Variants in PIP5K1C observed in about 807,000 individuals in gnomAD.
PIP5K1C encodes phosphatidylinositol 4-phosphate 5-kinase type-1 gamma.
Under a neutral mutation model 80.1 loss-of-function variants are expected in PIP5K1C, and 45 were observed. That is an observed-to-expected ratio of 0.56 (90% CI 0.44 to 0.72). The LOEUF is 0.72. Ranked by LOEUF, PIP5K1C falls within the 30% of genes least tolerant of loss-of-function variation. PIP5K1C has a pLI of 0.00. For synonymous variants in PIP5K1C, 498 were observed against 420.1 expected, an observed-to-expected ratio of 1.19 and a Z score of -2.27; for missense variants, 753 against 954.6, an observed-to-expected ratio of 0.79 and a Z score of 2.78.
At chr19:3,634,227 T>C (rs2033580260) in intron 16 of PIP5K1C, among the ~76,000 whole-genome samples, 1 of 148,014 alleles carries the variant, frequency 6.8e-6, no homozygotes, top group East Asian at 2.1e-4. Context: ...CAGGTCTGGG[T>C]GGGATCTGGG....
At chr19:3,643,147 A>C (rs896351050) in intron 13 of PIP5K1C, 96 bp downstream of exon 13, 92 of 1,577,410 alleles carry the variant, frequency 5.8e-5, no homozygotes, top group Non-Finnish European at 7.9e-5. Context: ...TGCTCCACCC[A>C]CATGCACAGC....
chr19:3,652,732 G>C (rs866589963), intron 7 of PIP5K1C, among the ~76,000 whole-genome samples: 58 of 152,138 alleles, frequency 3.8e-4, no homozygotes, highest in Non-Finnish European at 6.2e-4. Flanking sequence ...ACGCACATGG[G>C]CCCTCACTGT....
At chr19:3,661,782 C>T in intron 4 of PIP5K1C, 89 bp downstream of exon 4, 2 of 1,522,026 alleles carry the variant, frequency 1.3e-6, no homozygotes, top group South Asian at 2.2e-5. Flanking sequence ...GTGCTGCTTT[C>T]AGCAGAGAAG....
At chr19:3,667,442 C>T in intron 1 of PIP5K1C, 89 bp from the exon 2 acceptor site, 1 of 1,481,584 alleles carries the variant, frequency 6.7e-7, no homozygotes, top group Non-Finnish European at 9.4e-7. Flanking sequence ...TCTGGCGCCC[C>T]AGGCCTGGCG....
At chr19:3,695,891 T>G (rs1184608252) in intron 1 of PIP5K1C, among the ~76,000 whole-genome samples, 1 of 152,102 alleles carries the variant, frequency 6.6e-6, no homozygotes, top group African/African-American at 2.4e-5. Flanking sequence ...GTCTAGCTAC[T>G]TCTTTTAATT....
chr19:3,664,285 G>A (rs145695150), intron 3 of PIP5K1C, among the ~76,000 whole-genome samples: 194 of 152,342 alleles, frequency 1.3e-3, no homozygotes, highest in Non-Finnish European at 2.2e-3. Context: ...GGAATTAGAG[G>A]TGACGGCTGC....
At chr19:3,677,484 G>A (rs1343676926) in intron 1 of PIP5K1C, among the ~76,000 whole-genome samples, 1 of 151,860 alleles carries the variant, frequency 6.6e-6, no homozygotes, top group Non-Finnish European at 1.5e-5. Context: ...TTGGGAGGCG[G>A]AGGCAGGAGA....
At chr19:3,695,518 G>A (rs1423088800) in intron 1 of PIP5K1C, among the ~76,000 whole-genome samples, 1 of 152,198 alleles carries the variant, frequency 6.6e-6, no homozygotes, top group African/African-American at 2.4e-5. Flanking sequence ...ATCCCCGGCT[G>A]GCATGCAATG....
chr19:3,645,858 C>CT, intron 11 of PIP5K1C, 116 bp downstream of exon 11: 1 of 811,112 alleles, frequency 1.2e-6, no homozygotes, highest in Non-Finnish European at 2.2e-6. Context: ...CACAGGGGCT[C>CT]TGAGTTTACT....
rs562941559 is a variant in PIP5K1C, at chr19:3,679,105, TGAAAATTCTCTTTA to T, written c.95-11766_95-11753del. On this transcript the variant is annotated intron_variant, in intron 1 of 17. Transcript: ENST00000335312. ...AATTCTTTCAACTTTTCAGCACTTTTGAAAATTCTCTTTAAAAATCCCTTTCCCCCAGGGGAAAG... is the reference window on the plus strand; with the variant it reads ...AATTCTTTCAACTTTTCAGCACTTTTAAAATCCCTTTCCCCCAGGGGAAAG... Among the ~76,000 whole-genome samples the T allele has an allele frequency of 3.4e-3, 513 of 152,178 alleles. 2 individuals are homozygous for T. Among genetic ancestry groups the T allele is most frequent in the Non-Finnish European group, 6.2e-3 (422 of 67,966 alleles).
intron 1 of PIP5K1C, among the ~76,000 whole-genome samples, chr19:3,695,948 C>G (rs2036089635): frequency 6.6e-6 from 1 of 152,074 alleles, no homozygotes; most frequent in African/African-American, 2.4e-5. Flanking sequence ...CCAGGCTGGT[C>G]TCAAACTCCT....
At chr19:3,679,406 C>T (rs1266081744) in intron 1 of PIP5K1C, among the ~76,000 whole-genome samples, 4 of 152,308 alleles carry the variant, frequency 2.6e-5, no homozygotes, top group African/African-American at 7.2e-5. Context: ...CAGCCTCTCA[C>T]CTCCCCAGGG....
chr19:3,694,186 C>G (rs750313387), intron 1 of PIP5K1C, among the ~76,000 whole-genome samples: 1 of 144,690 alleles, frequency 6.9e-6, no homozygotes, highest in South Asian at 2.2e-4. Flanking sequence ...CACTCCAGCC[C>G]GGGCGAGACA....
rs1301044926 is a variant in PIP5K1C, at chr19:3,698,950, C to G, written c.94+1347G>C. Among the ~76,000 whole-genome samples the G allele has an allele frequency of 4.0e-5, 6 of 148,872 alleles. No homozygotes were observed. In the East Asian group the frequency reaches 7.9e-4, roughly 20 times the overall value. On this transcript the variant is annotated intron_variant, in intron 1 of 17. Transcript: ENST00000335312. ...CCCCGGCCCCCCACCCCCACCCCCC[C>G]ACTCCCCCGCTCTCCCACCCCACCA... is the stretch of plus-strand genomic sequence containing the variant.
chr19:3,651,713 C>T lies in PIP5K1C; in HGVS notation c.1127+113G>A, dbSNP rs1397933368. 1.0e-5 allele frequency: 11 copies of T among 1,061,438 alleles called. No homozygotes were observed. The East Asian group carries it at 1.7e-4, about 16-fold the overall frequency. The allele number at this position is 1,061,438 out of a possible 1,614,324, so 65.8% of individuals were successfully genotyped here. The stretch of plus-strand genomic sequence containing the variant: ...GCTCCCAGACTCTGTCTGTCACCCA[C>T]GCATGCCCTCGCCAGCCCTCCCTGC... On this transcript the variant is annotated intron_variant, in intron 8 of 17. Coordinates refer to ENST00000335312, the MANE Select transcript of PIP5K1C (RefSeq NM_012398.3).
Position 3,652,009 on chromosome 19 carries a change from A to G in PIP5K1C, c.944T>C (p.Met315Thr). 7 of 1,613,168 alleles carry G rather than the reference A, an allele frequency of 4.3e-6. No homozygotes were observed. The highest frequency in any genetic ancestry group is 5.9e-6 in the Non-Finnish European group (7 of 1,179,984). ...CACGCCCAGCAGCAGGCTGTAGTCC[A>G]TGATCTTGAAACTTTCCAGGACCTG... ...DCLVLESFKI[M>T]DYSLLLGVHN... The change falls in exon 8 of 18, where the codon ATG (methionine) becomes ACG (threonine). Residue 315 changes from methionine (M) to threonine (T), a missense_variant. Coordinates refer to ENST00000335312, the MANE Select transcript of PIP5K1C (RefSeq NM_012398.3).
intron 11 of PIP5K1C, among the ~76,000 whole-genome samples, chr19:3,645,169 G>T (rs1380957384): frequency 1.3e-5 from 2 of 152,204 alleles, no homozygotes; most frequent in Non-Finnish European, 2.9e-5. Flanking sequence ...GCCTGTCCCT[G>T]CCACCTCCCT....
At chr19:3,662,123 C>T (rs1335736634) in intron 3 of PIP5K1C, 122 bp from the exon 4 acceptor site, 3 of 1,242,316 alleles carry the variant, frequency 2.4e-6, no homozygotes, top group Non-Finnish European at 3.4e-6. Context: ...CCTGCCAACC[C>T]CCTCCTGGTG....
chr19:3,679,188 A>C (rs935334612), intron 1 of PIP5K1C, among the ~76,000 whole-genome samples: 2 of 152,100 alleles, frequency 1.3e-5, no homozygotes, highest in Non-Finnish European at 2.9e-5. Context: ...GCTCTGAAGA[A>C]ACACGGTTTT....
Sources: gnomAD v4.1 joint callset for allele counts (sites outside exome capture counted in the v4.1 genomes callset) on GRCh38, gnomAD v4.1.1 for gene constraint, MANE v1.5 for transcripts, NCBI Gene and HGNC (gene_info 2026-07-23, HGNC 2026-07-21) for gene names.